FAM3C: variants seen among roughly 807,000 people sequenced by gnomAD.
FAM3C encodes protein FAM3C.
Under a neutral mutation model 32.5 loss-of-function variants are expected in FAM3C, and 15 were observed. The observed-to-expected ratio is 0.46, with a 90% CI of 0.31 to 0.71. The LOEUF (loss-of-function observed/expected upper bound fraction) is 0.71. FAM3C is among the 30% of genes least tolerant of loss of function. The pLI, the probability that FAM3C is intolerant of heterozygous loss-of-function variation, is 0.05. For synonymous variants in FAM3C, 75 were observed against 86.1 expected (o/e 0.87, Z 0.72); for missense variants, 175 against 274.4 (o/e 0.64, Z 2.56).
At chr7:121,390,848 TGGGGCGG>T (rs1344462625) in intron 1 of FAM3C, among the ~76,000 whole-genome samples, 1 of 1,506 alleles carries the variant, frequency 6.6e-4, no homozygotes, top group Non-Finnish European at 1.9e-3. Context: ...AAAGGCTGTG[TGGGGCGG>T]GGGGGGGGGG....
Position 121,362,941 on chromosome 7 carries a change from G to T in FAM3C, c.338C>A (p.Thr113Lys). ...ATATTTAGTGTCTAATACTTCTCCT[G>T]TTTTTCCTAAAAGAGATTAAATTCA... ...GINVALANGK[T>K]GEVLDTKYFD... Residue 113 changes from threonine (T) to lysine (K), a missense_variant, in exon 7 of 10, where the codon ACA (threonine) becomes AAA (lysine). Transcript: ENST00000359943. 2 of 1,487,992 alleles carry T rather than the reference G, an allele frequency of 1.3e-6. No homozygotes were observed. The highest frequency in any genetic ancestry group is 1.9e-6 in the Non-Finnish European group (2 of 1,070,920). The allele number at this position is 1,487,992 out of a possible 1,614,324, so 92.2% of individuals were successfully genotyped here.
intron 8 of FAM3C, among the ~76,000 whole-genome samples, chr7:121,355,780 G>A (rs1444836499): frequency 6.6e-6 from 1 of 152,142 alleles, no homozygotes; most frequent in Non-Finnish European, 1.5e-5. Context: ...TCCCTTGGAG[G>A]AAGCCTCTAG....
intron 3 of FAM3C, among the ~76,000 whole-genome samples, chr7:121,373,169 A>T (rs1306437748): frequency 3.3e-5 from 5 of 150,950 alleles, no homozygotes; most frequent in Non-Finnish European, 7.4e-5. Context: ...TATTTTAAGT[A>T]CTTAAAGTCA....
rs1794158574 is a variant in FAM3C, at chr7:121,372,094, G to A, written c.148+16C>T. On this transcript the variant is annotated intron_variant, in intron 4 of 9. Coordinates refer to ENST00000359943, the MANE Select transcript of FAM3C (RefSeq NM_014888.3). Reference sequence around the variant, plus strand: ...CAGAATAAATCATACATAAAATATTGAGATGAAATACTTACAACGTGCAGC... The same window carrying A: ...CAGAATAAATCATACATAAAATATTAAGATGAAATACTTACAACGTGCAGC... 3 of 1,588,634 alleles carry A rather than the reference G, an allele frequency of 1.9e-6. No individual in the cohort carries two copies. The highest frequency in any genetic ancestry group is 2.6e-6 in the Non-Finnish European group (3 of 1,160,050).
chr7:121,379,768 C>A (rs188940828), intron 2 of FAM3C, among the ~76,000 whole-genome samples: 2 of 152,202 alleles, frequency 1.3e-5, no homozygotes, highest in African/African-American at 4.8e-5. Flanking sequence ...ACATGGGGAG[C>A]GGGACAGGGA....
At chr7:121,356,261 G>A (rs956508325) in intron 8 of FAM3C, among the ~76,000 whole-genome samples, 1 of 152,148 alleles carries the variant, frequency 6.6e-6, no homozygotes, top group Admixed American at 6.5e-5. Flanking sequence ...TTGATTTGAT[G>A]CATTCATTTT....
chr7:121,387,438 A>T (rs1263389951), intron 1 of FAM3C, among the ~76,000 whole-genome samples: 1 of 152,186 alleles, frequency 6.6e-6, no homozygotes, highest in East Asian at 1.9e-4. Context: ...GTACTACTAC[A>T]GATGTAGGAC....
chr7:121,394,380 C>T lies in FAM3C; in HGVS notation c.-42+1782G>A, dbSNP rs573931122. Among the ~76,000 whole-genome samples the T allele has an allele frequency of 1.1e-4, 16 of 152,318 alleles. No homozygotes were observed. In the South Asian group the frequency reaches 3.3e-3, roughly 32 times the overall value. ...TGACAATGCTTAAGGCAGCAATCCA[C>T]ATTAAAAATCTGTAATTGTAATAAA... On this transcript the variant is annotated intron_variant, in intron 1 of 9. Coordinates refer to ENST00000359943, the MANE Select transcript of FAM3C (RefSeq NM_014888.3).
intron 8 of FAM3C, among the ~76,000 whole-genome samples, chr7:121,353,260 AG>A (rs1343130618): frequency 2.0e-5 from 3 of 152,208 alleles, no homozygotes; most frequent in Non-Finnish European, 4.4e-5. Context: ...AATATGTTGA[AG>A]GGCAGTCAGG....
chr7:121,359,548 T>C (rs1793879952), intron 8 of FAM3C, among the ~76,000 whole-genome samples: 1 of 152,018 alleles, frequency 6.6e-6, no homozygotes, highest in Non-Finnish European at 1.5e-5. Flanking sequence ...TTGGTCTCTT[T>C]GCGCTTTTCT....
intron 2 of FAM3C, among the ~76,000 whole-genome samples, chr7:121,381,490 G>T (rs530612938): frequency 5.3e-5 from 8 of 152,238 alleles, no homozygotes; most frequent in African/African-American, 1.9e-4. Context: ...CAGAACCAGA[G>T]AAATGGACTA....
intron 3 of FAM3C, among the ~76,000 whole-genome samples, chr7:121,376,983 G>A (rs946096844): frequency 1.2e-4 from 18 of 152,206 alleles, no homozygotes; most frequent in African/African-American, 3.9e-4. Flanking sequence ...AATGTGAAAC[G>A]GAGTGATATG....
chr7:121,382,792 C>A (rs1401952679), intron 2 of FAM3C, among the ~76,000 whole-genome samples, 165 bp downstream of exon 2: 1 of 151,874 alleles, frequency 6.6e-6, no homozygotes, highest in East Asian at 1.9e-4. Context: ...GACTAAATGT[C>A]CAATTTGTGA....
intron 8 of FAM3C, among the ~76,000 whole-genome samples, chr7:121,357,928 C>T (rs766951425): frequency 2.0e-5 from 3 of 152,010 alleles, no homozygotes; most frequent in Non-Finnish European, 2.9e-5. Flanking sequence ...TGGTGAAAAA[C>T]GGAGGTCATG....
At chr7:121,354,287 C>A (rs765978595) in intron 8 of FAM3C, among the ~76,000 whole-genome samples, 4 of 152,030 alleles carry the variant, frequency 2.6e-5, no homozygotes, top group Non-Finnish European at 4.4e-5. Context: ...ATATTTTAAT[C>A]CTTACTAATG....
chr7:121,388,495 C>T (rs1298332052), intron 1 of FAM3C, among the ~76,000 whole-genome samples: 1 of 151,884 alleles, frequency 6.6e-6, no homozygotes, highest in Non-Finnish European at 1.5e-5. Context: ...AAAAGATCAC[C>T]AATGATTATG....
chr7:121,361,254 T>A (rs1793914357), intron 7 of FAM3C, among the ~76,000 whole-genome samples: 1 of 152,172 alleles, frequency 6.6e-6, no homozygotes, highest in Non-Finnish European at 1.5e-5. Flanking sequence ...CTAATTCTAC[T>A]CCAAAACTGG....
At chr7:121,363,376 A>G (rs1164217137) in intron 6 of FAM3C, among the ~76,000 whole-genome samples, 1 of 152,170 alleles carries the variant, frequency 6.6e-6, no homozygotes, top group African/African-American at 2.4e-5. Flanking sequence ...AATAAAACTT[A>G]CATTAACTTG....
intron 3 of FAM3C, among the ~76,000 whole-genome samples, chr7:121,373,326 T>C (rs185582238): frequency 3.2e-4 from 49 of 152,264 alleles, no homozygotes; most frequent in Middle Eastern, 3.4e-3. Flanking sequence ...TTTTATCCAA[T>C]ACACATCAAA....
Sources: gnomAD v4.1 joint callset for allele counts (sites outside exome capture counted in the v4.1 genomes callset) on GRCh38, gnomAD v4.1.1 for gene constraint, MANE v1.5 for transcripts, NCBI Gene and HGNC (gene_info 2026-07-23, HGNC 2026-07-21) for gene names.